LRRC49: variants seen among roughly 807,000 people sequenced by gnomAD.
LRRC49 encodes the protein leucine-rich repeat-containing protein 49.
LRRC49 carries 50 observed loss-of-function variants against 83.3 expected under a neutral mutation model. The ratio of observed to expected loss-of-function variants is 0.60; its 90% CI spans 0.48 to 0.76. The LOEUF (loss-of-function observed/expected upper bound fraction) is 0.76. LRRC49 is among the 30% of genes least tolerant of loss of function. LRRC49 has a pLI of 0.00. For synonymous variants in LRRC49, 286 were observed against 283.3 expected, an observed-to-expected ratio of 1.01 and a Z score of -0.10; for missense variants, 704 against 809.1, an observed-to-expected ratio of 0.87 and a Z score of 1.58.
intron 8 of LRRC49, among the ~76,000 whole-genome samples, chr15:70,945,390 T>C (rs1215782806): frequency 6.6e-6 from 1 of 152,222 alleles, no homozygotes; most frequent in Non-Finnish European, 1.5e-5. Context: ...TGGCAAAAAC[T>C]GCAAGCTCTA....
chr15:70,907,992 G>C lies in LRRC49; in HGVS notation c.500+3237G>C, dbSNP rs1473522815. 1.3e-5 allele frequency: 6 copies of C among 456,020 alleles called. No individual in the cohort carries two copies. In the East Asian group the frequency reaches 2.8e-4, roughly 21 times the overall value. The allele number at this position is 456,020 out of a possible 1,614,324, so 28.2% of individuals were successfully genotyped here. A position where few individuals can be genotyped will look rare whatever the true frequency, so the allele number is the denominator to read the frequency against. On this transcript the variant is annotated intron_variant, in intron 5 of 15. Coordinates refer to ENST00000260382, the MANE Select transcript of LRRC49 (RefSeq NM_017691.5). ...TTACCTCTGAATTCTTTAGAATTGG[G>C]TAAGTTTTTAGGTCATTTCAGGTGT... is the stretch of plus-strand genomic sequence containing the variant.
intron 11 of LRRC49, among the ~76,000 whole-genome samples, chr15:70,987,824 T>G (rs1415064893): frequency 6.6e-6 from 1 of 152,212 alleles, no homozygotes; most frequent in Non-Finnish European, 1.5e-5. Flanking sequence ...CCAGCGATTC[T>G]GGTATGTTGT....
At chr15:70,957,646 T>A (rs1215545557) in intron 8 of LRRC49, among the ~76,000 whole-genome samples, 1 of 152,184 alleles carries the variant, frequency 6.6e-6, no homozygotes, top group Non-Finnish European at 1.5e-5. Context: ...AACTTACAGT[T>A]TAATTCTATT....
At chr15:70,968,339 G>C (rs2036868561) in intron 9 of LRRC49, among the ~76,000 whole-genome samples, 1 of 152,134 alleles carries the variant, frequency 6.6e-6, no homozygotes. Flanking sequence ...TGGCTGCATA[G>C]TATTCCATGG....
intron 13 of LRRC49, among the ~76,000 whole-genome samples, chr15:71,010,894 G>A (rs2038631352): frequency 6.6e-6 from 1 of 152,126 alleles, no homozygotes; most frequent in South Asian, 2.1e-4. Context: ...AAGATTAACT[G>A]TAATCAACTT....
At chr15:70,916,552 C>T (rs2034782942) in intron 6 of LRRC49, among the ~76,000 whole-genome samples, 3 of 152,226 alleles carry the variant, frequency 2.0e-5, no homozygotes, top group Non-Finnish European at 4.4e-5. Context: ...ACCTCAGCCT[C>T]CCAAAGTACT....
chr15:70,882,841 G>C (rs913588779), intron 2 of LRRC49: 1 of 1,614,108 alleles, frequency 6.2e-7, no homozygotes, highest in Non-Finnish European at 8.5e-7. Context: ...AGTAGGTACT[G>C]AAGTGACAGT....
intron 1 of LRRC49, among the ~76,000 whole-genome samples, chr15:70,860,890 C>T (rs1387022256): frequency 4.6e-5 from 7 of 152,144 alleles, no homozygotes; most frequent in Non-Finnish European, 1.0e-4. Context: ...TAAATTCTGG[C>T]CAATAGGATG....
intron 8 of LRRC49, among the ~76,000 whole-genome samples, chr15:70,940,251 A>AT (rs398027829): frequency 0.015 from 1,331 of 86,836 alleles, 30 homozygotes; most frequent in African/African-American, 0.022. Context: ...GAATATATGG[A>AT]TTTTTTTTTT....
chr15:71,018,877 G>A lies in LRRC49; in HGVS notation c.1703+5964G>A, dbSNP rs188274684. ...ATTCTGACAACCCCCTTCTTGGGGG[G>A]TTCTATTAATTTGCTTAGAGTGGCT... On this transcript the variant is annotated intron_variant, in intron 14 of 15. Coordinates refer to ENST00000260382, the MANE Select transcript of LRRC49 (RefSeq NM_017691.5). 8.5e-5 allele frequency among the ~76,000 whole-genome samples: 13 copies of A among 152,236 alleles called. No individual in the cohort carries two copies. The South Asian group carries it at 2.5e-3, about 29-fold the overall frequency.
chr15:70,953,229 G>T (rs1371895384), intron 8 of LRRC49, among the ~76,000 whole-genome samples: 2 of 152,176 alleles, frequency 1.3e-5, no homozygotes, highest in African/African-American at 4.8e-5. Flanking sequence ...TAATATCAAT[G>T]AAGTATGTGC....
At chr15:70,854,160 G>A (rs2032583516) in intron 1 of LRRC49, 2 of 1,114,222 alleles carry the variant, frequency 1.8e-6, no homozygotes, top group Admixed American at 4.5e-5. Flanking sequence ...CAGCGACTGC[G>A]ACGAGGGGGC....
chr15:71,049,598 A>G lies in LRRC49; in HGVS notation c.2047A>G (p.Thr683Ala), dbSNP rs2039960182. 2 of 1,596,572 alleles carry G rather than the reference A, an allele frequency of 1.3e-6. No individual in the cohort carries two copies. Among genetic ancestry groups the G allele is most frequent in the Non-Finnish European group, 1.7e-6 (2 of 1,175,582 alleles). ...TATGAAGCTCTGCCTACAGCAGATA[A>G]CAGACCAAAAATAAAAATGGCCTTT... is the stretch of plus-strand genomic sequence containing the variant. ...SYMKLCLQQI[T>A]DQK The change falls in exon 16 of 16, where the codon ACA (threonine) becomes GCA (alanine). Residue 683 changes from threonine (T) to alanine (A), a missense_variant. By Grantham distance (58) the Thr-to-Ala change is moderately conservative. Coordinates refer to ENST00000260382, the MANE Select transcript of LRRC49 (RefSeq NM_017691.5).
At chr15:70,869,105 A>G (rs1218902580) in intron 1 of LRRC49, among the ~76,000 whole-genome samples, 1 of 151,344 alleles carries the variant, frequency 6.6e-6, no homozygotes, top group Non-Finnish European at 1.5e-5. Flanking sequence ...AAGTAATTGG[A>G]AAAAAAATTT....
intron 15 of LRRC49, among the ~76,000 whole-genome samples, chr15:71,044,272 C>G (rs1296627023): frequency 6.6e-6 from 1 of 152,164 alleles, no homozygotes. Flanking sequence ...AAAATCTGTA[C>G]ATACTTTTAA....
chr15:70,902,227 G>C (rs1252905162), intron 4 of LRRC49, among the ~76,000 whole-genome samples: 1 of 152,142 alleles, frequency 6.6e-6, no homozygotes, highest in Non-Finnish European at 1.5e-5. Context: ...GCCAAGAATA[G>C]TACCTCAGCC....
At chr15:70,958,523 C>T (rs981030064) in intron 8 of LRRC49, among the ~76,000 whole-genome samples, 8 of 152,234 alleles carry the variant, frequency 5.3e-5, no homozygotes, top group African/African-American at 9.6e-5. Context: ...GCTTTATGTA[C>T]ACAACTATGG....
In LRRC49 at chr15:71,040,975, G is replaced by T. The variant is rs966456153; in HGVS notation, c.1857+3643G>T. 4.6e-5 allele frequency among the ~76,000 whole-genome samples: 7 copies of T among 152,240 alleles called. No individual in the cohort carries two copies. The East Asian group carries it at 1.4e-3, about 29-fold the overall frequency. On this transcript the variant is annotated intron_variant, in intron 15 of 15. Transcript: ENST00000260382. ...ACAGCCCCAGACCAACAGCCAACAA[G>T]AAAACAGGGACTTCATTCCCACAGC... is the stretch of plus-strand genomic sequence containing the variant.
intron 2 of LRRC49, among the ~76,000 whole-genome samples, chr15:70,884,112 AAAGT>A (rs1280338833): frequency 5.3e-5 from 8 of 152,168 alleles, no homozygotes; most frequent in African/African-American, 1.9e-4. Context: ...GGGAGGAGAG[AAAGT>A]AAGTGATAGA....
Sources: gnomAD v4.1 joint callset for allele counts (sites outside exome capture counted in the v4.1 genomes callset) on GRCh38, gnomAD v4.1.1 for gene constraint, MANE v1.5 for transcripts, NCBI Gene and HGNC (gene_info 2026-07-23, HGNC 2026-07-21) for gene names.